ZSCAN30: variants seen among roughly 807,000 people sequenced by gnomAD.
The protein encoded by ZSCAN30 is zinc finger and SCAN domain-containing protein 30.
ZSCAN30 carries 37 observed loss-of-function variants against 44.3 expected under a neutral mutation model. The ratio of observed to expected loss-of-function variants is 0.84; its 90% CI spans 0.64 to 1.10. The LOEUF is 1.10. Among genes scored for constraint, ZSCAN30 ranks in the 50% least tolerant of loss-of-function variants. ZSCAN30 has a pLI of 0.00. For synonymous variants in ZSCAN30, 181 were observed against 204.6 expected (o/e 0.88, Z 0.98); for missense variants, 549 against 582.6 (o/e 0.94, Z 0.59).
At chr18:35,270,967 C>G (rs1056687847) in intron 1 of ZSCAN30, among the ~76,000 whole-genome samples, 1 of 152,126 alleles carries the variant, frequency 6.6e-6, no homozygotes, top group Non-Finnish European at 1.5e-5. Context: ...GGTGGTGCAT[C>G]TGGAGTTTGT....
chr18:35,273,928 G>A (rs1048296331), intron 1 of ZSCAN30, among the ~76,000 whole-genome samples: 12 of 152,130 alleles, frequency 7.9e-5, no homozygotes, highest in African/African-American at 2.4e-4. Flanking sequence ...ATCGTCAATT[G>A]TTTCTGCTGG....
chr18:35,282,917 A>G (rs1369931536), intron 1 of ZSCAN30: 2 of 152,254 alleles, frequency 1.3e-5, no homozygotes, highest in Non-Finnish European at 2.9e-5. Context: ...CAGACACAAC[A>G]GCATTATAAG....
Position 35,253,559 on chromosome 18 carries a change from T to G in ZSCAN30, c.1376A>C (p.His459Pro). The change falls in exon 4 of 4, where the codon CAC becomes CCC. Residue 459 changes from histidine to proline, a missense_variant. Transcript: ENST00000333206. ...CTTCTCTCCAGTGTGAATTCTCTGGTGCTGGGTGAGGGCTGAGCTCTGATT... is the reference window on the plus strand; with the variant it reads ...CTTCTCTCCAGTGTGAATTCTCTGGGGCTGGGTGAGGGCTGAGCTCTGATT... Reference protein sequence around the residue: ...SFNQSSALTQHQRIHTGEKPY... With the variant: ...SFNQSSALTQPQRIHTGEKPY... 1 of 1,614,026 alleles carries G rather than the reference T, an allele frequency of 6.2e-7. No homozygotes were observed. The highest frequency in any genetic ancestry group is 1.1e-5 in the South Asian group (1 of 91,078).
In ZSCAN30 at chr18:35,251,686, CTCTCTCT is replaced by C. The variant is rs2043600833; in HGVS notation, c.*1757_*1763del. The C allele has an allele frequency of 6.6e-6, 1 of 152,344 alleles. No individual in the cohort carries two copies. The highest frequency in any genetic ancestry group is 1.9e-4 in the East Asian group (1 of 5,186). The allele number at this position is 152,344 out of a possible 1,614,324, so 9.4% of individuals were successfully genotyped here. On this transcript the variant is annotated 3_prime_UTR_variant, in exon 4 of 4. Transcript: ENST00000333206. ...ATAAGTGCCTAGCATTTCCCCTGCA[CTCTCTCT>C]TGCCACCTTGTGAAGAAGGTGCTTG...
intron 1 of ZSCAN30, among the ~76,000 whole-genome samples, chr18:35,270,939 A>C (rs184127853): frequency 6.6e-6 from 1 of 152,206 alleles, no homozygotes; most frequent in East Asian, 1.9e-4. Flanking sequence ...CTTTGCAGTG[A>C]GTGTTAACAA....
intron 3 of ZSCAN30, chr18:35,254,812 G>A (rs1461492319): frequency 4.7e-6 from 1 of 210,754 alleles, no homozygotes; most frequent in East Asian, 1.2e-4. Context: ...ATCAATATAG[G>A]AGAGCAGAAG....
At chr18:35,274,624 C>T (rs1164711522) in intron 1 of ZSCAN30, among the ~76,000 whole-genome samples, 1 of 152,200 alleles carries the variant, frequency 6.6e-6, no homozygotes, top group Non-Finnish European at 1.5e-5. Flanking sequence ...TCAAAAATGC[C>T]ATTCAGTACC....
At chr18:35,254,480 A>G (rs754797913) in intron 3 of ZSCAN30, 99 bp from the exon 4 acceptor site, 1 of 1,580,118 alleles carries the variant, frequency 6.3e-7, no homozygotes, top group Non-Finnish European at 8.6e-7. Flanking sequence ...GTATTTATTT[A>G]TTAGGAGGAC....
chr18:35,253,664 C>G lies in ZSCAN30; in HGVS notation c.1271G>C (p.Arg424Thr), dbSNP rs1449801146. 1.9e-6 allele frequency: 3 copies of G among 1,613,860 alleles called. No individual in the cohort carries two copies. The African/African-American group carries it at 4.0e-5, about 22-fold the overall frequency. Residue 424 changes from arginine to threonine, a missense_variant, in exon 4 of 4, where the codon AGG becomes ACG. By Grantham distance (71) the Arg-to-Thr change is moderately conservative (BLOSUM62 -1). Transcript: ENST00000333206. Reference sequence around the variant, plus strand: ...TTGATGTTCAATAAGGATAGAACTCCTACCAAAAGCCTTACCACATGCAAT... The same window carrying G: ...TTGATGTTCAATAAGGATAGAACTCGTACCAAAAGCCTTACCACATGCAAT... The part of the protein sequence containing the change: ...ECIACGKAFG[R>T]SSILIEHQRI...
chr18:35,263,270 G>GA, intron 3 of ZSCAN30: 9 of 459,744 alleles, frequency 2.0e-5, no homozygotes, highest in Admixed American at 3.8e-5. Flanking sequence ...AAAAGAAAAA[G>GA]AAAAAAAATA....
chr18:35,268,002 A>G (rs4799378), intron 1 of ZSCAN30: 119,195 of 152,220 alleles, frequency 0.78, 48,293 homozygotes, highest in Non-Finnish European at 0.89. Flanking sequence ...GGGGGGCAGG[A>G]GAAGCTGTAA....
intron 3 of ZSCAN30, chr18:35,261,292 T>G (rs2044023698): frequency 6.6e-6 from 1 of 152,218 alleles, no homozygotes; most frequent in African/African-American, 2.4e-5. Context: ...GCATGATGCC[T>G]CCAGCTTTGT....
intron 1 of ZSCAN30, among the ~76,000 whole-genome samples, chr18:35,270,824 G>A (rs527568061): frequency 1.3e-5 from 2 of 152,224 alleles, no homozygotes; most frequent in Non-Finnish European, 2.9e-5. Context: ...AGTTCTTAAA[G>A]ATGGTGTGTC....
intron 1 of ZSCAN30, chr18:35,267,835 T>G (rs976743922): frequency 2.0e-5 from 3 of 151,636 alleles, no homozygotes; most frequent in Admixed American, 2.0e-4. Flanking sequence ...CGAGAACCCA[T>G]GATCTCTACA....
chr18:35,273,498 A>G (rs1223854384), intron 1 of ZSCAN30, among the ~76,000 whole-genome samples: 1 of 152,218 alleles, frequency 6.6e-6, no homozygotes, highest in East Asian at 1.9e-4. Flanking sequence ...TAATGCTACT[A>G]TCATTATAAC....
intron 1 of ZSCAN30, among the ~76,000 whole-genome samples, chr18:35,273,238 TTC>T (rs2044315072): frequency 1.3e-5 from 2 of 152,212 alleles, no homozygotes; most frequent in Admixed American, 6.5e-5. Context: ...CCATTCTACT[TTC>T]TGTCTCTATA....
At chr18:35,280,488 C>A (rs2044437745) in intron 1 of ZSCAN30, among the ~76,000 whole-genome samples, 2 of 152,216 alleles carry the variant, frequency 1.3e-5, no homozygotes, top group Admixed American at 1.3e-4. Flanking sequence ...ATGCCAATGA[C>A]CTTACTGATA....
chr18:35,281,702 C>T (rs916056279), intron 1 of ZSCAN30: 2 of 152,090 alleles, frequency 1.3e-5, no homozygotes, highest in Non-Finnish European at 2.9e-5. Flanking sequence ...CTAATGGATA[C>T]TATAACTTTG....
intron 1 of ZSCAN30, among the ~76,000 whole-genome samples, chr18:35,278,410 T>C (rs993380586): frequency 2.6e-5 from 4 of 152,236 alleles, no homozygotes; most frequent in African/African-American, 9.6e-5. Flanking sequence ...GCAGTGTTTC[T>C]GGTGATAGCA....
Sources: allele counts gnomAD v4.1 joint callset (sites outside exome capture counted in the v4.1 genomes callset), GRCh38; gene constraint gnomAD v4.1.1; transcripts MANE v1.5; gene names NCBI Gene and HGNC (gene_info 2026-07-23, HGNC 2026-07-21).